Variants in NCAM1 observed in about 807,000 individuals in gnomAD.
NCAM1 encodes antigen recognized by monoclonal antibody 5.1H11.
NCAM1 carries 14 observed loss-of-function variants against 109.8 expected under a neutral mutation model. The observed-to-expected ratio is 0.13, with a 90% CI of 0.08 to 0.20. NCAM1 has a LOEUF of 0.20. Among genes scored for constraint, NCAM1 ranks in the 10% least tolerant of loss-of-function variants. NCAM1 has a pLI of 1.00. For synonymous variants in NCAM1, 418 were observed against 442.9 expected (o/e 0.94, Z 0.70); for missense variants, 774 against 1,109.9 (o/e 0.70, Z 4.30).
chr11:113,190,306 G>A (rs1348528905), intron 1 of NCAM1, among the ~76,000 whole-genome samples: 2 of 152,192 alleles, frequency 1.3e-5, no homozygotes, highest in Admixed American at 1.3e-4. Flanking sequence ...TGTGAAGACA[G>A]GAGGAGGCCA....
chr11:113,059,832 G>A (rs1462693974), intron 1 of NCAM1, among the ~76,000 whole-genome samples: 1 of 152,158 alleles, frequency 6.6e-6, no homozygotes, highest in Non-Finnish European at 1.5e-5. Flanking sequence ...CCAATGAATG[G>A]AGAAAAAGCT....
intron 1 of NCAM1, among the ~76,000 whole-genome samples, chr11:113,095,829 G>A (rs977589660): frequency 2.0e-5 from 3 of 152,202 alleles, no homozygotes; most frequent in Admixed American, 6.5e-5. Flanking sequence ...ACCTCCTACC[G>A]ACTGTGTGAC....
intron 1 of NCAM1, among the ~76,000 whole-genome samples, chr11:113,113,361 A>T (rs149129790): frequency 1.3e-5 from 2 of 152,296 alleles, no homozygotes; most frequent in African/African-American, 4.8e-5. Context: ...TGCACTGGGC[A>T]ATGTAAAGAA....
At chr11:113,126,431 C>A (rs1259413393) in intron 1 of NCAM1, among the ~76,000 whole-genome samples, 2 of 152,068 alleles carry the variant, frequency 1.3e-5, no homozygotes, top group African/African-American at 4.8e-5. Flanking sequence ...GTACAGAGTT[C>A]TCCACGTTGC....
In NCAM1 at chr11:113,204,454, C is replaced by T; in HGVS notation, c.296C>T (p.Thr99Ile). The T allele has an allele frequency of 1.2e-6, 2 of 1,614,030 alleles. No homozygotes were observed. Among genetic ancestry groups the T allele is most frequent in the Non-Finnish European group, 1.7e-6 (2 of 1,179,896 alleles). Residue 99 changes from threonine to isoleucine, a missense_variant, in exon 3 of 20, where the codon ACA becomes ATA. Thr to Ile is a moderately conservative substitution (Grantham distance 89). Around this residue, in one of 4 missense-constraint regions of NCAM1, gnomAD observed 112 missense variants for 142.0 expected, o/e 0.79. Transcript: ENST00000316851. ...DDAGIYKCVVTGEDGSESEAT... is the reference protein window; with the variant it reads ...DDAGIYKCVVIGEDGSESEAT... ...GCCGGCATTTACAAGTGTGTGGTTA[C>T]AGGCGAGGATGGCAGTGAGTCAGAG...
chr11:113,259,196 C>A lies in NCAM1; in HGVS notation c.1954-950C>A, dbSNP rs1159101505. Among the ~76,000 whole-genome samples, 12 of 150,556 alleles carry A rather than the reference C, an allele frequency of 8.0e-5. No individual in the cohort carries two copies. In the South Asian group the frequency reaches 2.1e-3, roughly 26 times the overall value. ...CCTCCCAAGTAGCTGGGACTACAGG[C>A]GCCCGCCACTACGCCCGGCTAATTT... On this transcript the variant is annotated intron_variant, in intron 16 of 19. Coordinates refer to ENST00000316851, the MANE Select transcript of NCAM1 (RefSeq NM_181351.5).
intron 7 of NCAM1, among the ~76,000 whole-genome samples, chr11:113,212,409 G>C (rs1215648791): frequency 6.6e-6 from 1 of 152,122 alleles, no homozygotes; most frequent in African/African-American, 2.4e-5. Context: ...TAGCCATCTG[G>C]GAAATGGAGC....
intron 1 of NCAM1, among the ~76,000 whole-genome samples, chr11:112,992,121 G>A (rs1951473945): frequency 6.6e-6 from 1 of 152,060 alleles, no homozygotes; most frequent in South Asian, 2.1e-4. Context: ...GTATTCTTGT[G>A]GGACAACTGC....
chr11:113,155,012 C>A (rs1555103219), intron 1 of NCAM1, among the ~76,000 whole-genome samples: 1 of 152,046 alleles, frequency 6.6e-6, no homozygotes, highest in Non-Finnish European at 1.5e-5. Flanking sequence ...GGTGAGAGAG[C>A]AAAGGATGCT....
At chr11:113,256,650 C>T (rs1444501075) in intron 16 of NCAM1, among the ~76,000 whole-genome samples, 1 of 152,220 alleles carries the variant, frequency 6.6e-6, no homozygotes, top group Non-Finnish European at 1.5e-5. Context: ...CTGCTAACAG[C>T]AAGTTGGCTC....
intron 9 of NCAM1, among the ~76,000 whole-genome samples, chr11:113,224,820 CAG>C (rs1407844732): frequency 2.0e-5 from 3 of 152,344 alleles, no homozygotes; most frequent in African/African-American, 7.2e-5. Context: ...CCCAGGCAAA[CAG>C]GGTCTGGAGT....
intron 16 of NCAM1, among the ~76,000 whole-genome samples, chr11:113,257,208 C>T (rs547562641): frequency 6.6e-6 from 1 of 152,286 alleles, no homozygotes; most frequent in East Asian, 1.9e-4. Flanking sequence ...GCAGGTGGCC[C>T]CCAATATACC....
At chr11:113,060,877 G>C (rs1555083342) in intron 1 of NCAM1, among the ~76,000 whole-genome samples, 2 of 152,186 alleles carry the variant, frequency 1.3e-5, no homozygotes, top group Non-Finnish European at 2.9e-5. Context: ...TAGCGATCAA[G>C]ATGTTGAAAG....
chr11:113,065,643 T>C (rs1459854966), intron 1 of NCAM1, among the ~76,000 whole-genome samples: 1 of 152,196 alleles, frequency 6.6e-6, no homozygotes, highest in East Asian at 1.9e-4. Context: ...AGTTCTGTAA[T>C]ATGCCTTGCC....
chr11:112,964,144 T>TG (rs1289855861), intron 1 of NCAM1, among the ~76,000 whole-genome samples: 2 of 13,552 alleles, frequency 1.5e-4, no homozygotes, highest in Admixed American at 1.2e-3. Flanking sequence ...TTTTTTGTTT[T>TG]TTTTTTTTTT....
At chr11:113,221,570 T>TA (rs1944694604) in intron 9 of NCAM1, 1 of 441,326 alleles carries the variant, frequency 2.3e-6, no homozygotes, top group Non-Finnish European at 4.1e-6. Flanking sequence ...CTGGTGCTGG[T>TA]AAAATCACAT....
chr11:113,187,802 T>C (rs1943559225), intron 1 of NCAM1, among the ~76,000 whole-genome samples: 1 of 152,088 alleles, frequency 6.6e-6, no homozygotes, highest in Admixed American at 6.5e-5. Context: ...CCACTGGAAT[T>C]GTGTGCTCTT....
At chr11:113,241,350 CAGTGT>C (rs1945320003) in intron 14 of NCAM1, among the ~76,000 whole-genome samples, 2 of 150,514 alleles carry the variant, frequency 1.3e-5, no homozygotes, top group African/African-American at 2.4e-5. Flanking sequence ...GGAAAATAAA[CAGTGT>C]CTGGCAGTGT....
intron 1 of NCAM1, among the ~76,000 whole-genome samples, chr11:113,029,457 T>G (rs782630395): frequency 6.6e-6 from 1 of 152,350 alleles, no homozygotes; most frequent in East Asian, 1.9e-4. Context: ...CAAGTGTATA[T>G]GCACATTTTA....
Sources: allele counts gnomAD v4.1 joint callset (sites outside exome capture counted in the v4.1 genomes callset), GRCh38; gene constraint gnomAD v4.1.1; regional missense constraint gnomAD v4.1.1; transcripts MANE v1.5; gene names NCBI Gene and HGNC (gene_info 2026-07-23, HGNC 2026-07-21).